EYS: variants seen among roughly 807,000 people sequenced by gnomAD.
The protein encoded by EYS is protein eyes shut homolog.
A neutral mutation model predicts 282.1 loss-of-function variants in EYS; 250 were observed. The ratio of observed to expected loss-of-function variants is 0.89; its 90% CI spans 0.80 to 0.98. The LOEUF is 0.98. EYS is among the 50% of genes least tolerant of loss of function. EYS has a pLI of 0.00. For synonymous variants in EYS, 1,355 were observed against 1,282.9 expected, an observed-to-expected ratio of 1.06 and a Z score of -1.20; for missense variants, 4,016 against 3,709.0, an observed-to-expected ratio of 1.08 and a Z score of -2.15.
chr6:64,251,116 T>G (rs1767199461), intron 30 of EYS, among the ~76,000 whole-genome samples: 1 of 152,304 alleles, frequency 6.6e-6, no homozygotes, highest in South Asian at 2.1e-4. Context: ...GGCTTGTCTG[T>G]GAAAAGCTGG....
intron 30 of EYS, among the ~76,000 whole-genome samples, chr6:64,253,889 G>A (rs575015495): frequency 6.6e-6 from 1 of 152,202 alleles, no homozygotes; most frequent in African/African-American, 2.4e-5. Flanking sequence ...TGTCCTGTGT[G>A]GTGAAGCCAT....
chr6:65,283,114 C>T (rs1768269563), intron 12 of EYS, among the ~76,000 whole-genome samples: 1 of 151,814 alleles, frequency 6.6e-6, no homozygotes, highest in South Asian at 2.1e-4. Flanking sequence ...TTCAACTACC[C>T]AAAGCAATAC....
intron 2 of EYS, among the ~76,000 whole-genome samples, chr6:65,568,699 T>G (rs1050617379): frequency 1.3e-5 from 2 of 152,212 alleles, no homozygotes; most frequent in African/African-American, 4.8e-5. Context: ...GCTCACTTAT[T>G]TGATTTTCTC....
rs190431353 is a variant in EYS, at chr6:63,876,946, T to C, written c.7056-12588A>G. ...CAATTTGCTAGTCTGTGTCTTTTAA[T>C]TGGAGCATTTAGCCCATTTACATTT... On this transcript the variant is annotated intron_variant, in intron 35 of 42. Coordinates refer to ENST00000503581, the MANE Select transcript of EYS (RefSeq NM_001142800.2). Among the ~76,000 whole-genome samples, 805 of 152,340 alleles carry C rather than the reference T, an allele frequency of 5.3e-3. 3 individuals are homozygous for C. The highest frequency in any genetic ancestry group is 0.01 in the Middle Eastern group (3 of 294).
intron 12 of EYS, among the ~76,000 whole-genome samples, chr6:65,277,568 C>A (rs1404365573): frequency 6.6e-6 from 1 of 152,080 alleles, no homozygotes; most frequent in South Asian, 2.1e-4. Context: ...CATGCTGGCA[C>A]CCTCATTTTG....
intron 32 of EYS, among the ~76,000 whole-genome samples, chr6:64,080,183 A>C (rs1190162292): frequency 6.6e-6 from 1 of 152,214 alleles, no homozygotes; most frequent in Non-Finnish European, 1.5e-5. Context: ...CAGTCCCACC[A>C]ACAGTGTAAA....
chr6:65,455,489 G>A (rs1429418653), intron 5 of EYS, among the ~76,000 whole-genome samples: 1 of 151,874 alleles, frequency 6.6e-6, no homozygotes, highest in South Asian at 2.1e-4. Context: ...TGACTGAAAA[G>A]ATAAAATTCA....
intron 30 of EYS, among the ~76,000 whole-genome samples, chr6:64,246,707 T>G (rs1193786957): frequency 6.6e-6 from 1 of 152,192 alleles, no homozygotes; most frequent in Non-Finnish European, 1.5e-5. Flanking sequence ...TAGAGAAGTA[T>G]TTTTTGACTT....
chr6:63,724,982 A>G (rs1582144233), intron 42 of EYS, among the ~76,000 whole-genome samples: 3 of 152,276 alleles, frequency 2.0e-5, no homozygotes, highest in Admixed American at 1.3e-4. Flanking sequence ...CATTTTCTGC[A>G]ACCTTAAATA....
At chr6:65,401,543 G>A (rs556814113) in intron 7 of EYS, among the ~76,000 whole-genome samples, 7 of 151,532 alleles carry the variant, frequency 4.6e-5, no homozygotes, top group African/African-American at 1.4e-4. Context: ...ACAATTGAAG[G>A]CATGCAAAAA....
chr6:64,868,320 T>A (rs910150242), intron 19 of EYS, among the ~76,000 whole-genome samples: 1 of 151,426 alleles, frequency 6.6e-6, no homozygotes, highest in East Asian at 1.9e-4. Flanking sequence ...ATTTTCATAG[T>A]GACAATTTTT....
At chr6:64,787,494 C>T (rs1774061560) in intron 22 of EYS, among the ~76,000 whole-genome samples, 1 of 150,892 alleles carries the variant, frequency 6.6e-6, no homozygotes, top group African/African-American at 2.4e-5. Flanking sequence ...AAAATATTTT[C>T]TGTTTTCTTT....
At chr6:64,745,825 C>CT (rs1772540324) in intron 22 of EYS, among the ~76,000 whole-genome samples, 1 of 152,056 alleles carries the variant, frequency 6.6e-6, no homozygotes, top group South Asian at 2.1e-4. Context: ...GAAAGCAGCT[C>CT]TAAGTGTAGA....
At chr6:65,525,479 C>A (rs1337077081) in intron 2 of EYS, among the ~76,000 whole-genome samples, 1 of 152,208 alleles carries the variant, frequency 6.6e-6, no homozygotes, top group South Asian at 2.1e-4. Flanking sequence ...TCATGATCTG[C>A]TAGCCTTCCC....
intron 31 of EYS, among the ~76,000 whole-genome samples, chr6:64,095,532 C>G (rs951506574): frequency 6.6e-5 from 10 of 151,998 alleles, no homozygotes; most frequent in East Asian, 5.8e-4. Context: ...CTCTTTTGAT[C>G]TTTGTTGGTT....
intron 26 of EYS, among the ~76,000 whole-genome samples, chr6:64,563,730 T>C (rs1366298641): frequency 6.6e-6 from 1 of 152,130 alleles, no homozygotes; most frequent in Admixed American, 6.5e-5. Flanking sequence ...ATTGACAGTC[T>C]AATGAAATAT....
At chr6:65,011,776 C>A (rs745439994) in intron 13 of EYS, among the ~76,000 whole-genome samples, 1 of 152,148 alleles carries the variant, frequency 6.6e-6, no homozygotes, top group African/African-American at 2.4e-5. Flanking sequence ...GTAAGGAGAG[C>A]TCACTAAAAT....
At chr6:63,724,814 G>A (rs1456124544) in intron 42 of EYS, among the ~76,000 whole-genome samples, 2 of 151,996 alleles carry the variant, frequency 1.3e-5, no homozygotes, top group African/African-American at 2.4e-5. Context: ...AACCACATTG[G>A]CTGCTTTTAT....
intron 29 of EYS, among the ~76,000 whole-genome samples, chr6:64,375,758 TA>T (rs758196063): frequency 3.9e-5 from 6 of 152,194 alleles, no homozygotes; most frequent in Non-Finnish European, 8.8e-5. Context: ...ATAGGTTTTT[TA>T]GAGAAGGACA....
Sources: allele counts gnomAD v4.1 joint callset (sites outside exome capture counted in the v4.1 genomes callset), GRCh38; gene constraint gnomAD v4.1.1; transcripts MANE v1.5; gene names NCBI Gene and HGNC (gene_info 2026-07-23, HGNC 2026-07-21).